Variants in CSNK1G1 observed in about 807,000 individuals in gnomAD.
The protein encoded by CSNK1G1 is casein kinase 1 gamma 1, also known as casein kinase I isoform gamma-1.
A neutral mutation model predicts 59.6 loss-of-function variants in CSNK1G1; 22 were observed. The observed-to-expected ratio is 0.37, with a 90% CI of 0.26 to 0.53. The LOEUF is 0.53. CSNK1G1 is among the 20% of genes least tolerant of loss of function. The pLI, the probability that CSNK1G1 is intolerant of heterozygous loss-of-function variation, is 0.89. For synonymous variants in CSNK1G1, 179 were observed against 177.1 expected, an observed-to-expected ratio of 1.01 and a Z score of -0.08; for missense variants, 384 against 519.5, an observed-to-expected ratio of 0.74 and a Z score of 2.54.
At position 64,210,768 on chromosome 15, in the gene CSNK1G1, A is replaced by G. The variant is rs1489773329; in HGVS notation, c.679+3122T>C. 1.3e-5 allele frequency among the ~76,000 whole-genome samples: 2 copies of G among 151,928 alleles called. No individual in the cohort carries two copies. Among genetic ancestry groups the G allele is most frequent in the Non-Finnish European group, 2.9e-5 (2 of 67,980 alleles). The stretch of plus-strand genomic sequence containing the variant: ...GTCTGGATTTCTGTCCTTCCCCCGG[A>G]CCCCCCAACACACACAAACCTCACG... On this transcript the variant is annotated intron_variant, in intron 6 of 11. Transcript: ENST00000303052. This position sits in a 1 kb window ranked among gnomAD's most constrained non-coding sequence, Gnocchi z 4.2.
chr15:64,218,121 G>T (rs899151677), intron 4 of CSNK1G1, among the ~76,000 whole-genome samples: 3 of 151,734 alleles, frequency 2.0e-5, no homozygotes, highest in Admixed American at 6.6e-5. Flanking sequence ...CTAAATTTTT[G>T]ATTTTTTATA....
At chr15:64,173,619 C>CTTTTCTTTTTT (rs1380813811) in intron 11 of CSNK1G1, among the ~76,000 whole-genome samples, 1 of 108,564 alleles carries the variant, frequency 9.2e-6, no homozygotes, top group African/African-American at 3.7e-5. Flanking sequence ...CTTTTCTTTT[C>CTTTTCTTTTTT]TTTTTTTTTT....
intron 4 of CSNK1G1, among the ~76,000 whole-genome samples, chr15:64,225,816 G>C (rs186984175): frequency 6.6e-6 from 1 of 152,080 alleles, no homozygotes; most frequent in Non-Finnish European, 1.5e-5. Context: ...TAGTAGAGTC[G>C]GGGTTTCGCT....
Position 64,336,272 on chromosome 15 carries a change from C to T in CSNK1G1, c.-225+19716G>A, listed in dbSNP as rs1168520222. Reference sequence around the variant, plus strand: ...TAGATTCGATCTCTCTCATTTCACTCCTTATTCTATTCACAAGAAAATTAC... The same window carrying T: ...TAGATTCGATCTCTCTCATTTCACTTCTTATTCTATTCACAAGAAAATTAC... On this transcript the variant is annotated intron_variant, in intron 1 of 11. Coordinates refer to ENST00000303052, the MANE Select transcript of CSNK1G1 (RefSeq NM_022048.5). 2.0e-5 allele frequency among the ~76,000 whole-genome samples: 3 copies of T among 152,140 alleles called. No individual in the cohort carries two copies. In the East Asian group the frequency reaches 5.8e-4, roughly 29 times the overall value.
intron 4 of CSNK1G1, among the ~76,000 whole-genome samples, chr15:64,245,192 CA>C (rs1434713167): frequency 1.3e-5 from 2 of 152,044 alleles, no homozygotes; most frequent in Non-Finnish European, 2.9e-5. Context: ...TTGGTCTGGG[CA>C]AAATCTTTCA....
chr15:64,294,651 C>G (rs1283641156), intron 2 of CSNK1G1, among the ~76,000 whole-genome samples: 2 of 151,986 alleles, frequency 1.3e-5, no homozygotes, highest in Admixed American at 6.6e-5. Flanking sequence ...TGGCTCATAC[C>G]TGTAATCCCA....
At chr15:64,254,225 G>A (rs999847603) in intron 3 of CSNK1G1, among the ~76,000 whole-genome samples, 2 of 152,182 alleles carry the variant, frequency 1.3e-5, no homozygotes, top group East Asian at 1.9e-4. Flanking sequence ...CAAGGGGTTG[G>A]GGGGAGGGGA....
intron 2 of CSNK1G1, among the ~76,000 whole-genome samples, chr15:64,269,845 C>G (rs1434351787): frequency 6.6e-6 from 1 of 151,670 alleles, no homozygotes; most frequent in South Asian, 2.1e-4. Flanking sequence ...ACTCTGCCAC[C>G]CACGTTGGAG....
At chr15:64,325,807 G>A (rs979868983) in intron 1 of CSNK1G1, among the ~76,000 whole-genome samples, 3 of 152,088 alleles carry the variant, frequency 2.0e-5, no homozygotes, top group African/African-American at 7.2e-5. Flanking sequence ...GATTAGAGAG[G>A]GTAAGTAATT....
In CSNK1G1 at chr15:64,188,406, A is replaced by C. The variant is rs1462535578; in HGVS notation, c.1108-7952T>G. ...TGATCCCCCATGGCGGTCTGCAGCCAAGTGAGACGTTAGGTATGAGGTATT... is the reference window on the plus strand; with the variant it reads ...TGATCCCCCATGGCGGTCTGCAGCCCAGTGAGACGTTAGGTATGAGGTATT... On this transcript the variant is annotated intron_variant, in intron 10 of 11. Coordinates refer to ENST00000303052, the MANE Select transcript of CSNK1G1 (RefSeq NM_022048.5). The surrounding 1 kb of genome is among the most constrained non-coding windows in gnomAD (Gnocchi z 4.2). 1.3e-6 allele frequency: 2 copies of C among 1,536,122 alleles called. No individual in the cohort carries two copies. Among genetic ancestry groups the C allele is most frequent in the Non-Finnish European group, 1.7e-6 (2 of 1,146,898 alleles).
intron 1 of CSNK1G1, among the ~76,000 whole-genome samples, chr15:64,338,321 T>G (rs1897494966): frequency 2.6e-5 from 4 of 152,180 alleles, no homozygotes; most frequent in Non-Finnish European, 5.9e-5. Context: ...ATATTTAGTA[T>G]GATAGCAAGA....
intron 4 of CSNK1G1, among the ~76,000 whole-genome samples, chr15:64,238,990 A>G (rs2082658441): frequency 6.6e-6 from 1 of 152,126 alleles, no homozygotes; most frequent in African/African-American, 2.4e-5. Context: ...CACTACCAAA[A>G]AACTCTATAC....
intron 2 of CSNK1G1, among the ~76,000 whole-genome samples, chr15:64,282,441 C>G (rs576028773): frequency 6.6e-6 from 1 of 151,886 alleles, no homozygotes; most frequent in East Asian, 1.9e-4. Flanking sequence ...ATTTTTATAT[C>G]TTTTTGTAGA....
rs79232102 is a variant in CSNK1G1, at chr15:64,322,661, A to T, written c.-224-21938T>A. Among the ~76,000 whole-genome samples the T allele has an allele frequency of 7.0e-3, 1,059 of 152,064 alleles. 17 individuals are homozygous for T. The highest frequency in any genetic ancestry group is 0.024 in the African/African-American group (1,016 of 41,510). The stretch of plus-strand genomic sequence containing the variant: ...GAAACCCTGTCTCTAGCAAAAAAAT[A>T]AATTAATTAAACAATACAAAAATTA... On this transcript the variant is annotated intron_variant, in intron 1 of 11. Transcript: ENST00000303052.
chr15:64,264,204 G>A (rs1020249329), intron 2 of CSNK1G1, among the ~76,000 whole-genome samples: 5 of 151,702 alleles, frequency 3.3e-5, no homozygotes, highest in Non-Finnish European at 5.9e-5. Flanking sequence ...AAGGGGAAAA[G>A]CAAATGGTGA....
chr15:64,351,705 C>A (rs1898296803), intron 1 of CSNK1G1, among the ~76,000 whole-genome samples: 1 of 152,014 alleles, frequency 6.6e-6, no homozygotes, highest in African/African-American at 2.4e-5. Context: ...ATGGCAAAAC[C>A]CCATGTCCAC....
chr15:64,304,085 A>G (rs547636561), intron 1 of CSNK1G1, among the ~76,000 whole-genome samples: 1 of 152,166 alleles, frequency 6.6e-6, no homozygotes, highest in East Asian at 1.9e-4. Context: ...GCATTGTTCA[A>G]TCTATAATTA....
intron 9 of CSNK1G1, among the ~76,000 whole-genome samples, chr15:64,203,433 C>T (rs999780788): frequency 6.6e-6 from 1 of 151,756 alleles, no homozygotes; most frequent in Non-Finnish European, 1.5e-5. Context: ...CGCGGTGGCT[C>T]GTGCCTGTAA....
intron 4 of CSNK1G1, among the ~76,000 whole-genome samples, chr15:64,233,780 G>C (rs1368512574): frequency 1.3e-5 from 2 of 152,102 alleles, no homozygotes; most frequent in African/African-American, 2.4e-5. Context: ...GAAATTCATA[G>C]TATCACTATT....
Sources: allele counts gnomAD v4.1 joint callset (sites outside exome capture counted in the v4.1 genomes callset), GRCh38; gene constraint gnomAD v4.1.1; non-coding constraint Gnocchi (gnomAD v3.1); transcripts MANE v1.5; gene names NCBI Gene and HGNC (gene_info 2026-07-23, HGNC 2026-07-21).